TRHDE: variants seen among roughly 807,000 people sequenced by gnomAD.
TRHDE encodes the protein thyrotropin-releasing hormone-degrading ectoenzyme.
In TRHDE, 72 loss-of-function variants were observed where a neutral mutation model predicts 125.7. The observed-to-expected ratio is 0.57, with a 90% CI of 0.47 to 0.70. The LOEUF is 0.70. TRHDE is among the 30% of genes least tolerant of loss of function. The pLI is 0.00. For synonymous variants in TRHDE, 509 were observed against 509.1 expected (o/e 1.00, Z 0.00); for missense variants, 1,110 against 1,327.1 (o/e 0.84, Z 2.54).
intron 1 of TRHDE, chr12:72,105,593 T>C (rs1344333738): frequency 6.6e-6 from 1 of 152,170 alleles, no homozygotes; most frequent in Non-Finnish European, 1.5e-5. Context: ...TATATAATAT[T>C]ATCTCATTTA....
chr12:72,239,895 G>A (rs909352195), intron 2 of TRHDE, among the ~76,000 whole-genome samples: 5 of 152,128 alleles, frequency 3.3e-5, no homozygotes, highest in African/African-American at 1.2e-4. Flanking sequence ...AATGAACTTT[G>A]TCTGTCCTAT....
At chr12:72,313,271 A>G (rs983659423) in intron 2 of TRHDE, among the ~76,000 whole-genome samples, 3 of 151,966 alleles carry the variant, frequency 2.0e-5, no homozygotes, top group East Asian at 1.9e-4. Flanking sequence ...AAATATTCAT[A>G]CAAGTTTTTT....
At chr12:72,299,576 T>C (rs1300372312) in intron 2 of TRHDE, among the ~76,000 whole-genome samples, 1 of 152,170 alleles carries the variant, frequency 6.6e-6, no homozygotes, top group East Asian at 1.9e-4. Flanking sequence ...AACAATGAAC[T>C]GAAATATTGG....
chr12:72,312,933 T>C (rs1049353725), intron 2 of TRHDE, among the ~76,000 whole-genome samples: 15 of 152,134 alleles, frequency 9.9e-5, no homozygotes, highest in African/African-American at 3.6e-4. Context: ...AAAACTTTTC[T>C]TAACATTTTT....
intron 12 of TRHDE, among the ~76,000 whole-genome samples, chr12:72,590,156 A>AT (rs147509061): frequency 0.13 from 20,371 of 151,536 alleles, 1,457 homozygotes; most frequent in Middle Eastern, 0.23. Flanking sequence ...ATATTACTTT[A>AT]TTTTTTTTGT....
At chr12:72,239,119 G>T (rs2139379623) in intron 2 of TRHDE, among the ~76,000 whole-genome samples, 1 of 152,202 alleles carries the variant, frequency 6.6e-6, no homozygotes, top group East Asian at 1.9e-4. Flanking sequence ...TTGTGGTTTT[G>T]ATCTGCATTT....
At chr12:72,224,158 GTATGTATGTATCTATCTATCTATC>G (rs1481249791) in intron 2 of TRHDE, among the ~76,000 whole-genome samples, 2 of 24,646 alleles carry the variant, frequency 8.1e-5, no homozygotes, top group Admixed American at 4.7e-4. Context: ...ATGTATGTAT[GTATGTATGTATCTATCTATCTATC>G]TATCTATCTA....
At chr12:72,333,696 T>C (rs149073925) in intron 2 of TRHDE, among the ~76,000 whole-genome samples, 1 of 152,308 alleles carries the variant, frequency 6.6e-6, no homozygotes, top group East Asian at 1.9e-4. Flanking sequence ...CTTCTAAAGA[T>C]GGAAATGGGG....
At chr12:72,446,855 G>A (rs1177032722) in intron 3 of TRHDE, among the ~76,000 whole-genome samples, 1 of 152,044 alleles carries the variant, frequency 6.6e-6, no homozygotes, top group African/African-American at 2.4e-5. Flanking sequence ...GGAGCACCCA[G>A]ATTCATAAAG....
At chr12:72,382,046 G>C (rs777733629) in intron 3 of TRHDE, among the ~76,000 whole-genome samples, 2 of 152,126 alleles carry the variant, frequency 1.3e-5, no homozygotes, top group Non-Finnish European at 2.9e-5. Flanking sequence ...GGAGCAAGGG[G>C]GACTGGTCCC....
intron 2 of TRHDE, among the ~76,000 whole-genome samples, chr12:72,124,852 A>C (rs577007385): frequency 6.6e-6 from 1 of 152,206 alleles, no homozygotes; most frequent in Non-Finnish European, 1.5e-5. Flanking sequence ...TTCTTGCAAC[A>C]TAACAAGATG....
chr12:72,178,576 T>C (rs58545172), intron 2 of TRHDE, among the ~76,000 whole-genome samples: 45 of 152,184 alleles, frequency 3.0e-4, no homozygotes, highest in African/African-American at 1.1e-3. Flanking sequence ...TTTGACAAGA[T>C]TTGATGAGGG....
At chr12:72,439,719 A>G (rs1227278047) in intron 3 of TRHDE, among the ~76,000 whole-genome samples, 3 of 151,698 alleles carry the variant, frequency 2.0e-5, no homozygotes, top group African/African-American at 4.8e-5. Context: ...TTCCTTTCCT[A>G]TTTAGATGCA....
At chr12:72,501,427 C>T (rs1463229032) in intron 6 of TRHDE, among the ~76,000 whole-genome samples, 1 of 152,016 alleles carries the variant, frequency 6.6e-6, no homozygotes, top group Non-Finnish European at 1.5e-5. Context: ...CAATGCTTTT[C>T]TCCAGAATCT....
intron 2 of TRHDE, among the ~76,000 whole-genome samples, chr12:72,211,302 T>C (rs11179108): frequency 0.12 from 17,782 of 152,200 alleles, 1,826 homozygotes; most frequent in African/African-American, 0.28. Flanking sequence ...TTCATAGTTC[T>C]GGTTGAAGGG....
chr12:72,569,034 C>G (rs769231513), intron 10 of TRHDE, among the ~76,000 whole-genome samples: 1 of 152,052 alleles, frequency 6.6e-6, no homozygotes, highest in African/African-American at 2.4e-5. Context: ...CCTATCTTCT[C>G]TTTACCAGAC....
chr12:72,157,163 A>G (rs1424621919), intron 2 of TRHDE, among the ~76,000 whole-genome samples: 1 of 150,838 alleles, frequency 6.6e-6, no homozygotes, highest in Non-Finnish European at 1.5e-5. Context: ...GCTGGAGTGC[A>G]GTGGCGTGAT....
chr12:72,336,755 AACTC>A (rs1301170846), intron 2 of TRHDE, among the ~76,000 whole-genome samples: 1 of 152,174 alleles, frequency 6.6e-6, no homozygotes, highest in Non-Finnish European at 1.5e-5. Context: ...GAGGAGGCCA[AACTC>A]ACTCTTGTAA....
intron 2 of TRHDE, among the ~76,000 whole-genome samples, chr12:72,146,811 T>C (rs1876237939): frequency 1.3e-5 from 2 of 152,258 alleles, no homozygotes; most frequent in Non-Finnish European, 2.9e-5. Context: ...TTCTGTTTCC[T>C]GAGCTGTTGC....
Sources: allele counts gnomAD v4.1 joint callset (sites outside exome capture counted in the v4.1 genomes callset), GRCh38; gene constraint gnomAD v4.1.1; transcripts MANE v1.5; gene names NCBI Gene and HGNC (gene_info 2026-07-23, HGNC 2026-07-21).